Variants in FAM133B observed in about 807,000 individuals in gnomAD.
FAM133B encodes the protein protein FAM133B.
A neutral mutation model predicts 46.4 loss-of-function variants in FAM133B; 25 were observed. The ratio of observed to expected loss-of-function variants is 0.54; its 90% CI spans 0.39 to 0.75. The LOEUF (loss-of-function observed/expected upper bound fraction) is 0.75. Among genes scored for constraint, FAM133B ranks in the 30% least tolerant of loss-of-function variants. The pLI, the probability that FAM133B is intolerant of heterozygous loss-of-function variation, is 0.00. For synonymous variants in FAM133B, 75 were observed against 86.0 expected (o/e 0.87, Z 0.71); for missense variants, 205 against 277.6 (o/e 0.74, Z 1.86).
chr7:92,576,271 T>C (rs1585307193), intron 7 of FAM133B, among the ~76,000 whole-genome samples: 1 of 152,206 alleles, frequency 6.6e-6, no homozygotes, highest in South Asian at 2.1e-4. Context: ...CCTGAAGTTG[T>C]TGAGATTCAA....
In FAM133B at chr7:92,576,445, C is replaced by A. The variant is rs966757977; in HGVS notation, c.466-624G>T. ...GATGCTAGGTATTTTGCCAGAAGAT[C>A]TCTCACGGGGGCAGGCAGCTATCTG... On this transcript the variant is annotated intron_variant, in intron 7 of 10. Coordinates refer to ENST00000445716, the MANE Select transcript of FAM133B (RefSeq NM_152789.4). 4.0e-5 allele frequency among the ~76,000 whole-genome samples: 6 copies of A among 151,224 alleles called. No individual in the cohort carries two copies. In the East Asian group the frequency reaches 1.2e-3, roughly 29 times the overall value.
At chr7:92,587,509 T>C (rs1795069075) in intron 1 of FAM133B, among the ~76,000 whole-genome samples, 1 of 152,030 alleles carries the variant, frequency 6.6e-6, no homozygotes. Context: ...GACGGGAGGA[T>C]TGCTTGAGGC....
At chr7:92,573,931 T>A (rs183518020) in intron 8 of FAM133B, among the ~76,000 whole-genome samples, 1 of 152,240 alleles carries the variant, frequency 6.6e-6, no homozygotes, top group African/African-American at 2.4e-5. Flanking sequence ...CAGGATAAAG[T>A]GTAGTGGCAT....
In FAM133B at chr7:92,579,324, A is replaced by AT. The variant is rs752511103; in HGVS notation, c.193dup (p.Met65AsnfsTer3). 2 of 1,608,624 alleles carry AT rather than the reference A, an allele frequency of 1.2e-6. No individual in the cohort carries two copies. Among genetic ancestry groups the AT allele is most frequent in the Non-Finnish European group, 1.7e-6 (2 of 1,178,502 alleles). Reference sequence around the variant, plus strand: ...CAGGTACTTTTTACAAACCTCATTCATTTTTTCTTCAAATTCAGCCAAAGC... The same window carrying AT: ...CAGGTACTTTTTACAAACCTCATTCATTTTTTTCTTCAAATTCAGCCAAAGC... On this transcript the variant is annotated frameshift_variant, in exon 3 of 11. Transcript: ENST00000445716. LOFTEE classifies it high-confidence loss of function.
At chr7:92,585,578 C>T (rs1288699119) in intron 1 of FAM133B, among the ~76,000 whole-genome samples, 6 of 152,134 alleles carry the variant, frequency 3.9e-5, no homozygotes, top group Middle Eastern at 3.4e-3. Context: ...TTAAATATTA[C>T]GTAGCTACTA....
intron 1 of FAM133B, among the ~76,000 whole-genome samples, chr7:92,585,008 AC>A (rs1385557882): frequency 3.9e-5 from 6 of 152,208 alleles, no homozygotes; most frequent in African/African-American, 1.2e-4. Context: ...ACAAAACAAA[AC>A]AAAAACCCTC....
chr7:92,569,790 A>G, intron 9 of FAM133B, 33 bp downstream of exon 9: 1 of 1,106,584 alleles, frequency 9.0e-7, no homozygotes, highest in Non-Finnish European at 1.2e-6. Context: ...AAGCATTTTA[A>G]AATAGAGAAA....
At chr7:92,584,709 C>T (rs565527379) in intron 1 of FAM133B, among the ~76,000 whole-genome samples, 2 of 152,104 alleles carry the variant, frequency 1.3e-5, no homozygotes, top group Non-Finnish European at 2.9e-5. Context: ...CTAAGCATTT[C>T]GATTAGTTGG....
intron 9 of FAM133B, among the ~76,000 whole-genome samples, chr7:92,568,569 T>C (rs1419668289): frequency 6.8e-6 from 1 of 147,616 alleles, no homozygotes; most frequent in Non-Finnish European, 1.5e-5. Flanking sequence ...AGTTTCACCA[T>C]GTTGGCCAGG....
intron 1 of FAM133B, among the ~76,000 whole-genome samples, chr7:92,583,865 A>G (rs1490612772): frequency 2.0e-5 from 3 of 151,854 alleles, no homozygotes; most frequent in African/African-American, 7.2e-5. Context: ...CCTGGCCAAC[A>G]TGGTGAAACC....
In FAM133B at chr7:92,582,142, G is replaced by A. The variant is rs552552779; in HGVS notation, c.25-539C>T. Reference sequence around the variant, plus strand: ...CACACGCCTGTAATCCTAGCTACTCGGGAGGTTGAGACAGGAGAATCACTT... The same window carrying A: ...CACACGCCTGTAATCCTAGCTACTCAGGAGGTTGAGACAGGAGAATCACTT... On this transcript the variant is annotated intron_variant, in intron 1 of 10. Transcript: ENST00000445716. 1.3e-4 allele frequency among the ~76,000 whole-genome samples: 20 copies of A among 152,176 alleles called. No homozygotes were observed. In the East Asian group the frequency reaches 3.5e-3, roughly 26 times the overall value.
chr7:92,579,083 A>G (rs935105275), intron 3 of FAM133B: 13 of 437,910 alleles, frequency 3.0e-5, no homozygotes, highest in Non-Finnish European at 5.4e-5. Flanking sequence ...CCATAACAAT[A>G]ACACTTCTAA....
chr7:92,575,158 G>A (rs1794656763), intron 8 of FAM133B, among the ~76,000 whole-genome samples: 1 of 152,188 alleles, frequency 6.6e-6, no homozygotes. Flanking sequence ...CAATTTGAAA[G>A]AGAAATTAAT....
At chr7:92,567,579 A>G (rs912977191) in intron 9 of FAM133B, among the ~76,000 whole-genome samples, 1 of 152,106 alleles carries the variant, frequency 6.6e-6, no homozygotes, top group East Asian at 1.9e-4. Flanking sequence ...CTAGGAAACA[A>G]TATTTTTATT....
chr7:92,571,960 A>C (rs146841464), intron 8 of FAM133B, among the ~76,000 whole-genome samples: 1 of 152,298 alleles, frequency 6.6e-6, no homozygotes, highest in African/African-American at 2.4e-5. Flanking sequence ...GGTTACTACT[A>C]TAAAGAGGAT....
chr7:92,589,917 T>C, intron 1 of FAM133B: 1 of 372,762 alleles, frequency 2.7e-6, no homozygotes, highest in Non-Finnish European at 4.9e-6. Flanking sequence ...GCCTAAGTCT[T>C]CGGAGTTACA....
At chr7:92,581,288 G>A (rs1794861253) in intron 2 of FAM133B, among the ~76,000 whole-genome samples, 2 of 152,234 alleles carry the variant, frequency 1.3e-5, no homozygotes, top group South Asian at 4.1e-4. Flanking sequence ...AAGTTACCTG[G>A]CAGTGCTTTG....
At position 92,575,369 on chromosome 7, in the gene FAM133B, A is replaced by G. The variant is rs886289119; in HGVS notation, c.516+402T>C. Among the ~76,000 whole-genome samples, 11 of 152,292 alleles carry G rather than the reference A, an allele frequency of 7.2e-5. 1 individual carries two copies. The highest frequency in any genetic ancestry group is 2.6e-4 in the African/African-American group (11 of 41,568). On this transcript the variant is annotated intron_variant, in intron 8 of 10. Coordinates refer to ENST00000445716, the MANE Select transcript of FAM133B (RefSeq NM_152789.4). ...CACACCTGTAGTCCCAGCTACAGGG[A>G]GGCTGAGGCAGGAAAATCGCTTGAA...
At chr7:92,574,792 C>A in intron 8 of FAM133B, among the ~76,000 whole-genome samples, 1 of 151,672 alleles carries the variant, frequency 6.6e-6, no homozygotes, top group Non-Finnish European at 1.5e-5. Context: ...GTAGTCCCAG[C>A]TACTCGGGAG....
Sources: allele counts gnomAD v4.1 joint callset (sites outside exome capture counted in the v4.1 genomes callset), GRCh38; gene constraint gnomAD v4.1.1; transcripts MANE v1.5; gene names NCBI Gene and HGNC (gene_info 2026-07-23, HGNC 2026-07-21).